The following TBC1D30 variants were observed in gnomAD, a reference collection of about 807,000 sequenced individuals.
The protein encoded by TBC1D30 is TBC1 domain family, member 30.
In TBC1D30, 31 loss-of-function variants were observed where a neutral mutation model predicts 63.2. The ratio of observed to expected loss-of-function variants is 0.49; its 90% CI spans 0.37 to 0.66. The LOEUF (loss-of-function observed/expected upper bound fraction) is 0.66. Ranked by LOEUF, TBC1D30 falls within the 30% of genes least tolerant of loss-of-function variation. The probability of loss-of-function intolerance (pLI) is 0.00; values close to 1 mark genes in which losing one functional copy is unlikely to be tolerated. For missense variants in TBC1D30, 810 were observed against 953.6 expected (o/e 0.85, Z 1.98); for synonymous variants, 307 against 361.5 (o/e 0.85, Z 1.71).
intron 8 of TBC1D30, among the ~76,000 whole-genome samples, chr12:64,859,390 A>G (rs1430365720): frequency 2.6e-5 from 4 of 152,180 alleles, no homozygotes; most frequent in African/African-American, 7.2e-5. Context: ...AAAGGGGAAT[A>G]GAAGATCTGT....
chr12:64,784,247 G>A (rs1467626079), intron 1 of TBC1D30, among the ~76,000 whole-genome samples: 1 of 151,914 alleles, frequency 6.6e-6, no homozygotes, highest in Non-Finnish European at 1.5e-5. Flanking sequence ...CTGTATGCTA[G>A]GCATAATTTG....
At chr12:64,814,872 G>A (rs892488302) in intron 2 of TBC1D30, among the ~76,000 whole-genome samples, 10 of 152,090 alleles carry the variant, frequency 6.6e-5, no homozygotes, top group African/African-American at 2.4e-4. Context: ...CATTACCAGG[G>A]CCCACTATTA....
chr12:64,836,881 A>G (rs1216607043), intron 6 of TBC1D30, among the ~76,000 whole-genome samples: 1 of 152,332 alleles, frequency 6.6e-6, no homozygotes, highest in East Asian at 1.9e-4. Flanking sequence ...GAAGAGCCTA[A>G]TACTAGTACC....
chr12:64,837,450 C>G (rs192647188), intron 6 of TBC1D30, among the ~76,000 whole-genome samples: 1 of 151,470 alleles, frequency 6.6e-6, no homozygotes, highest in East Asian at 1.9e-4. Context: ...GAGAAAGTGA[C>G]GGCTCATCAG....
intron 2 of TBC1D30, among the ~76,000 whole-genome samples, chr12:64,804,614 T>C (rs1256028215): frequency 6.6e-6 from 1 of 152,204 alleles, no homozygotes; most frequent in Non-Finnish European, 1.5e-5. Context: ...AGTATGATAT[T>C]GGCTGATCCC....
In TBC1D30 at chr12:64,763,615, T is replaced by A. The variant is rs1055844378; in HGVS notation, c.-376+3966T>A. ...TTTGGTTTTGTATCCTATTAATTTT[T>A]TTTTTTTTTTTTGAGACAGAGTCTT... On this transcript the variant is annotated intron_variant, in intron 1 of 13. Transcript: ENST00000674237. 3.7e-4 allele frequency among the ~76,000 whole-genome samples: 56 copies of A among 151,504 alleles called. 1 individual carries two copies. Among genetic ancestry groups the A allele is most frequent in the South Asian group, 1.9e-3 (9 of 4,800 alleles).
At chr12:64,820,750 A>G (rs1454145699), upstream of TBC1D30, among the ~76,000 whole-genome samples, 1 of 152,238 alleles carries the variant, frequency 6.6e-6, no homozygotes, top group Non-Finnish European at 1.5e-5. Context: ...ACAATATTCC[A>G]GACATGAAAT....
At chr12:64,850,492 T>G (rs1369915007) in intron 8 of TBC1D30, among the ~76,000 whole-genome samples, 1 of 152,212 alleles carries the variant, frequency 6.6e-6, no homozygotes, top group Non-Finnish European at 1.5e-5. Flanking sequence ...TGGAGCGGTG[T>G]TGAATTTTGT....
intron 8 of TBC1D30, among the ~76,000 whole-genome samples, chr12:64,863,105 T>G (rs779866287): frequency 3.9e-5 from 6 of 152,204 alleles, no homozygotes; most frequent in Non-Finnish European, 7.3e-5. Flanking sequence ...CTGACTACAT[T>G]ATTAATAAAA....
intron 1 of TBC1D30, among the ~76,000 whole-genome samples, chr12:64,771,015 AC>A (rs1224761102): frequency 1.3e-5 from 2 of 151,958 alleles, no homozygotes; most frequent in Non-Finnish European, 2.9e-5. Context: ...CCCGGCCAAA[AC>A]ACCAAATTTA....
At chr12:64,806,334 C>T (rs954174455) in intron 2 of TBC1D30, among the ~76,000 whole-genome samples, 5 of 152,136 alleles carry the variant, frequency 3.3e-5, no homozygotes, top group African/African-American at 1.2e-4. Context: ...ACTGAGTTTT[C>T]CTGGAAAATG....
chr12:64,782,294 T>TAA (rs60553568), intron 1 of TBC1D30, among the ~76,000 whole-genome samples: 11 of 141,838 alleles, frequency 7.8e-5, no homozygotes, highest in African/African-American at 1.5e-4. Flanking sequence ...CTCACTGTAT[T>TAA]AAAAAAAAAA....
In TBC1D30 at chr12:64,836,670, T is replaced by G; in HGVS notation, c.763+12T>G. 1 of 1,530,950 alleles carries G rather than the reference T, an allele frequency of 6.5e-7. No individual in the cohort carries two copies. Among genetic ancestry groups the G allele is most frequent in the Non-Finnish European group, 8.8e-7 (1 of 1,142,854 alleles). The allele number at this position is 1,530,950 out of a possible 1,614,324, so 94.8% of individuals were successfully genotyped here. On this transcript the variant is annotated intron_variant, in intron 6 of 11. Coordinates refer to ENST00000539867, the MANE Select transcript of TBC1D30 (RefSeq NM_015279.2). Reference sequence around the variant, plus strand: ...CAAAGAAAGTGGAGGTAGGTTTCAATGCTATTATAACTCTGAAAATATTTG... The same window carrying G: ...CAAAGAAAGTGGAGGTAGGTTTCAAGGCTATTATAACTCTGAAAATATTTG...
At chr12:64,762,585 T>A (rs1870555388) in intron 1 of TBC1D30, among the ~76,000 whole-genome samples, 1 of 152,186 alleles carries the variant, frequency 6.6e-6, no homozygotes, top group Non-Finnish European at 1.5e-5. Flanking sequence ...GTATTTAGAC[T>A]AAAACAAAAT....
At chr12:64,784,011 G>A (rs1317200806) in intron 1 of TBC1D30, among the ~76,000 whole-genome samples, 1 of 150,344 alleles carries the variant, frequency 6.7e-6, no homozygotes, top group African/African-American at 2.5e-5. Context: ...AGGCATCTAG[G>A]AATGAAGAGC....
At chr12:64,782,824 C>G (rs923019925) in intron 1 of TBC1D30, among the ~76,000 whole-genome samples, 1 of 152,180 alleles carries the variant, frequency 6.6e-6, no homozygotes, top group Non-Finnish European at 1.5e-5. Flanking sequence ...AACCTTTCTT[C>G]CCTTGTAGTC....
intron 8 of TBC1D30, among the ~76,000 whole-genome samples, chr12:64,852,645 G>A (rs1026669534): frequency 6.6e-6 from 1 of 152,004 alleles, no homozygotes; most frequent in African/African-American, 2.4e-5. Flanking sequence ...GGTCTTTGAT[G>A]TCAGTGACCT....
chr12:64,797,526 G>A (rs1872351444), intron 2 of TBC1D30, among the ~76,000 whole-genome samples: 1 of 152,086 alleles, frequency 6.6e-6, no homozygotes, highest in Non-Finnish European at 1.5e-5. Flanking sequence ...CTAGCTAACT[G>A]CAGCTGCAGA....
intron 8 of TBC1D30, among the ~76,000 whole-genome samples, chr12:64,861,316 T>C (rs1385086974): frequency 6.6e-6 from 1 of 152,242 alleles, no homozygotes; most frequent in South Asian, 2.1e-4. Flanking sequence ...AATAGACTTG[T>C]TAGTTTTCCT....
Sources: gnomAD v4.1 joint callset for allele counts (sites outside exome capture counted in the v4.1 genomes callset) on GRCh38, gnomAD v4.1.1 for gene constraint, MANE v1.5 for transcripts, NCBI Gene and HGNC (gene_info 2026-07-23, HGNC 2026-07-21) for gene names.